The following IFT56 variants were observed in gnomAD, a reference collection of about 807,000 sequenced individuals.
The protein encoded by IFT56 is intraflagellar transport protein 56.
At chr7:139,169,227 T>G in the IFT56 span, 2 of 1,366,372 alleles carry the variant, frequency 1.5e-6, no homozygotes, top group Non-Finnish European at 2.1e-6. Flanking sequence ...TAGAACCATA[T>G]AGTATAATAA....
chr7:139,137,722 T>C, the IFT56 span: 2 of 656,556 alleles, frequency 3.0e-6, no homozygotes, highest in Non-Finnish European at 5.3e-6. Context: ...TAATTAAACC[T>C]CATATTGTCA....
At chr7:139,191,781 A>C in the IFT56 span, 5 of 152,216 alleles carry the variant, frequency 3.3e-5, no homozygotes, top group Non-Finnish European at 7.3e-5. Context: ...TGGTTTTCTT[A>C]CATGTGATGA....
the IFT56 span, among the ~76,000 whole-genome samples, chr7:139,145,124 A>G: frequency 1.3e-5 from 2 of 152,208 alleles, no homozygotes; most frequent in Non-Finnish European, 2.9e-5. Context: ...AGAGATTGCA[A>G]CAATTTAAAG....
At chr7:139,178,182 T>C in the IFT56 span, 1 of 1,503,396 alleles carries the variant, frequency 6.7e-7, no homozygotes. Flanking sequence ...GTCTCATGAA[T>C]ATATGTGGGG....
chr7:139,134,770 C>T, the IFT56 span: 1 of 1,613,888 alleles, frequency 6.2e-7, no homozygotes, highest in African/African-American at 1.3e-5. Context: ...AGAGATTTCA[C>T]TGGAGCTATT....
chr7:139,162,294 A>G, the IFT56 span, among the ~76,000 whole-genome samples: 1 of 152,210 alleles, frequency 6.6e-6, no homozygotes, highest in Non-Finnish European at 1.5e-5. Flanking sequence ...CCCAGCTATC[A>G]GTATTTTTTT....
chr7:139,152,127 A>T, the IFT56 span, among the ~76,000 whole-genome samples: 1 of 152,162 alleles, frequency 6.6e-6, no homozygotes, highest in Non-Finnish European at 1.5e-5. Flanking sequence ...TTTTTAAAAA[A>T]TTTATCTACT....
chr7:139,166,934 T>A, the IFT56 span: 1 of 1,361,278 alleles, frequency 7.3e-7, no homozygotes, highest in African/African-American at 1.4e-5. Context: ...AACCAAGTTC[T>A]GCTAAAAGTG....
At chr7:139,184,166 A>G in the IFT56 span, among the ~76,000 whole-genome samples, 1 of 152,138 alleles carries the variant, frequency 6.6e-6, no homozygotes, top group African/African-American at 2.4e-5. Context: ...CACAGTAAAC[A>G]CCAAGGCCAG....
the IFT56 span, among the ~76,000 whole-genome samples, chr7:139,158,228 C>T: frequency 4.3e-4 from 63 of 148,128 alleles, no homozygotes; most frequent in African/African-American, 1.5e-3. Context: ...GCAGGAGAAT[C>T]GCTTGAACCT....
At chr7:139,169,241 A>G in the IFT56 span, 1 of 1,496,398 alleles carries the variant, frequency 6.7e-7, no homozygotes, top group Non-Finnish European at 9.3e-7. Flanking sequence ...ATAATAAAAT[A>G]AAATATTTTT....
chr7:139,147,277 C>A, the IFT56 span: 15 of 1,608,698 alleles, frequency 9.3e-6, no homozygotes, highest in Middle Eastern at 5.0e-4. Context: ...TAAGCGAATA[C>A]TGCTAGATAA....
the IFT56 span, among the ~76,000 whole-genome samples, chr7:139,171,456 A>C: frequency 6.6e-6 from 1 of 152,232 alleles, no homozygotes; most frequent in Non-Finnish European, 1.5e-5. Flanking sequence ...TCAGAGCTAT[A>C]GTAACCAAAA....
the IFT56 span, among the ~76,000 whole-genome samples, chr7:139,170,889 T>C: frequency 1.3e-5 from 2 of 152,148 alleles, no homozygotes; most frequent in East Asian, 1.9e-4. Context: ...ACATCTGAAT[T>C]GAAAAGGAAG....
At chr7:139,190,051 A>G in the IFT56 span, 1 of 152,264 alleles carries the variant, frequency 6.6e-6, no homozygotes. Context: ...TAAGATGAGT[A>G]TTGCAATGTT....
chr7:139,162,440 T>A, the IFT56 span, among the ~76,000 whole-genome samples: 3 of 152,232 alleles, frequency 2.0e-5, no homozygotes, highest in Admixed American at 6.5e-5. Context: ...TATGGAAATT[T>A]TTCTTTCATA....
chr7:139,175,846 T>C, the IFT56 span, among the ~76,000 whole-genome samples: 1 of 152,092 alleles, frequency 6.6e-6, no homozygotes, highest in African/African-American at 2.4e-5. Flanking sequence ...GTTTTGTTTT[T>C]TGAGATGGAG....
chr7:139,145,353 G>T, the IFT56 span, among the ~76,000 whole-genome samples: 6 of 149,340 alleles, frequency 4.0e-5, no homozygotes, highest in African/African-American at 1.5e-4. Context: ...TTGCACTTCT[G>T]TTCTGCTTGG....
At chr7:139,136,676 C>T in the IFT56 span, among the ~76,000 whole-genome samples, 1,004 of 152,168 alleles carry the variant, frequency 6.6e-3, 14 homozygotes, top group African/African-American at 0.024. Flanking sequence ...ACCATGTTGC[C>T]CAGGCTGGTC....
Sources: gnomAD v4.1 joint callset for allele counts (sites outside exome capture counted in the v4.1 genomes callset) on GRCh38, gnomAD v4.1.1 for gene constraint, MANE v1.5 for transcripts, NCBI Gene and HGNC (gene_info 2026-07-23, HGNC 2026-07-21) for gene names.